TMPRSS15: variants seen among roughly 807,000 people sequenced by gnomAD.
TMPRSS15 encodes transmembrane serine protease 15.
TMPRSS15 carries 128 observed loss-of-function variants against 125.3 expected under a neutral mutation model. That is an observed-to-expected ratio of 1.02 (90% CI 0.89 to 1.18). The LOEUF is 1.18. Ranked by LOEUF, TMPRSS15 falls within the 50% of genes most tolerant of loss-of-function variation. The probability of loss-of-function intolerance (pLI) is 0.00; values close to 1 mark genes in which losing one functional copy is unlikely to be tolerated. For synonymous variants in TMPRSS15, 446 were observed against 423.2 expected (o/e 1.05, Z -0.66); for missense variants, 1,283 against 1,212.7 (o/e 1.06, Z -0.86).
chr21:18,309,446 A>G (rs1335793123), intron 18 of TMPRSS15, among the ~76,000 whole-genome samples: 1 of 152,228 alleles, frequency 6.6e-6, no homozygotes, highest in East Asian at 1.9e-4. Context: ...ACAGCAAAAG[A>G]AACTATCATT....
chr21:18,279,198 A>G (rs1050331619), intron 22 of TMPRSS15, 139 bp from the exon 23 acceptor site: 2 of 606,286 alleles, frequency 3.3e-6, no homozygotes, highest in Non-Finnish European at 3.0e-6. Context: ...CTACCTGTAA[A>G]AATTTTAGAC....
intron 3 of TMPRSS15, among the ~76,000 whole-genome samples, chr21:18,385,758 T>A (rs964227816): frequency 6.6e-6 from 1 of 152,108 alleles, no homozygotes; most frequent in Non-Finnish European, 1.5e-5. Context: ...ACACTTTTTT[T>A]TTTTGAGATG....
At chr21:18,332,309 G>A in intron 13 of TMPRSS15, 136 bp from the exon 14 acceptor site, 1 of 750,670 alleles carries the variant, frequency 1.3e-6, no homozygotes, top group Admixed American at 2.0e-5. Flanking sequence ...TCATGTTAGG[G>A]TAAATGCTGC....
chr21:18,409,628 T>C (rs1397489392), intron 1 of TMPRSS15, among the ~76,000 whole-genome samples: 1 of 152,136 alleles, frequency 6.6e-6, no homozygotes, highest in Non-Finnish European at 1.5e-5. Flanking sequence ...TGTTGCTTTG[T>C]TGTAATTGAT....
intron 1 of TMPRSS15, among the ~76,000 whole-genome samples, chr21:18,452,186 A>G (rs1224957579): frequency 6.6e-6 from 1 of 152,168 alleles, no homozygotes; most frequent in Non-Finnish European, 1.5e-5. Flanking sequence ...TGGATATGTT[A>G]GTAACATATT....
At chr21:18,413,312 T>TTTCTTTCCTTCCTTCCTTCA (rs1555911458) in intron 1 of TMPRSS15, among the ~76,000 whole-genome samples, 1 of 94,798 alleles carries the variant, frequency 1.1e-5, no homozygotes, top group Non-Finnish European at 2.1e-5. Context: ...TTTTCTTTCT[T>TTTCTTTCCTTCCTTCCTTCA]TTCCTTCCTT....
intron 24 of TMPRSS15, among the ~76,000 whole-genome samples, chr21:18,272,157 G>A (rs1391942020): frequency 6.6e-6 from 1 of 152,132 alleles, no homozygotes; most frequent in Non-Finnish European, 1.5e-5. Flanking sequence ...TTCCACAATG[G>A]TTGAACTAAT....
At chr21:18,415,235 T>A (rs947543002) in intron 1 of TMPRSS15, among the ~76,000 whole-genome samples, 1 of 152,116 alleles carries the variant, frequency 6.6e-6, no homozygotes, top group Non-Finnish European at 1.5e-5. Context: ...ATTTGTGAGT[T>A]CCTTATATAG....
chr21:18,278,814 A>G, intron 23 of TMPRSS15, 150 bp downstream of exon 23: 1 of 576,066 alleles, frequency 1.7e-6, no homozygotes, highest in East Asian at 3.0e-5. Context: ...ATATATATGT[A>G]CATGCTTGAC....
chr21:18,460,539 T>C (rs1978532477), intron 1 of TMPRSS15: 1 of 152,166 alleles, frequency 6.6e-6, no homozygotes, highest in South Asian at 2.1e-4. Context: ...TTTGTGTCTG[T>C]AGAAAGAGAT....
chr21:18,334,981 G>A (rs6517810), intron 13 of TMPRSS15, among the ~76,000 whole-genome samples: 4,118 of 152,270 alleles, frequency 0.027, 166 homozygotes, highest in African/African-American at 0.093. Context: ...AGGAAGGCAT[G>A]TGAACCAAAG....
intron 15 of TMPRSS15, among the ~76,000 whole-genome samples, chr21:18,327,834 C>T (rs2075307971): frequency 6.6e-6 from 1 of 151,994 alleles, no homozygotes; most frequent in African/African-American, 2.4e-5. Flanking sequence ...TATCAAGAGA[C>T]ACCTTTTTCT....
rs182239865 is a variant in TMPRSS15, at chr21:18,425,550, T to C, written c.11-27221A>G. ...AAATAATGGTTCTTTCACTTTCTTA[T>C]GAGTTGTGTCCATTTCTGTGATGGT... On this transcript the variant is annotated intron_variant, in intron 1 of 7. Coordinates refer to the TMPRSS15 transcript ENST00000422787. 9.5e-3 allele frequency among the ~76,000 whole-genome samples: 1,450 copies of C among 152,290 alleles called. 9 individuals carry two copies. The highest frequency in any genetic ancestry group is 0.013 in the Non-Finnish European group (910 of 67,964).
Position 18,383,532 on chromosome 21 carries a change from G to C in TMPRSS15, c.496+95C>G, listed in dbSNP as rs35909926. The C allele has an allele frequency of 9.3e-3, 13,281 of 1,427,800 alleles. 89 individuals carry two copies. Among genetic ancestry groups the C allele is most frequent in the Non-Finnish European group, 0.012 (12,079 of 1,035,600 alleles). The allele number at this position is 1,427,800 out of a possible 1,614,324, so 88.4% of individuals were successfully genotyped here. On this transcript the variant is annotated intron_variant, in intron 4 of 24. Coordinates refer to ENST00000284885, the MANE Select transcript of TMPRSS15 (RefSeq NM_002772.3). ...CTCAGGCAATAAGACATGTTCCTAA[G>C]GTCAAGCATGATTCCACTTCCTCCC...
rs538053197 is a variant in TMPRSS15 at position 18,372,869 on chromosome 21, C to G, written c.533-545G>C. Among the ~76,000 whole-genome samples, 5 of 152,336 alleles carry G rather than the reference C, an allele frequency of 3.3e-5. No homozygotes were observed. In the East Asian group the frequency reaches 9.6e-4, roughly 29 times the overall value. On this transcript the variant is annotated intron_variant, in intron 5 of 24. Transcript: ENST00000284885. ...CCTGACTTGTCCTTCACTTGCCCCA[C>G]TTTCATAAACTTAAGTCTAGAGATG...
At chr21:18,477,319 G>C (rs1377612311) in intron 1 of TMPRSS15, 1 of 152,102 alleles carries the variant, frequency 6.6e-6, no homozygotes, top group Non-Finnish European at 1.5e-5. Context: ...TTGGAGTAAG[G>C]TCTCTAATCA....
intron 21 of TMPRSS15, among the ~76,000 whole-genome samples, chr21:18,286,864 C>G (rs2074770724): frequency 1.3e-5 from 2 of 152,186 alleles, no homozygotes; most frequent in Non-Finnish European, 2.9e-5. Context: ...GCAACAGCAG[C>G]AGGGCTTTTT....
chr21:18,366,754 C>T (rs553141540), intron 6 of TMPRSS15, among the ~76,000 whole-genome samples: 4 of 151,972 alleles, frequency 2.6e-5, no homozygotes, highest in Admixed American at 1.3e-4. Flanking sequence ...ATTCTTCATA[C>T]GGAGAAACAT....
At chr21:18,398,028 T>C (rs959081057) in intron 2 of TMPRSS15, 82 bp from the exon 3 acceptor site, 8 of 1,238,890 alleles carry the variant, frequency 6.5e-6, no homozygotes, top group Admixed American at 2.1e-5. Flanking sequence ...AAGCAATCTT[T>C]ATGTTCTGCT....
Sources: allele counts gnomAD v4.1 joint callset (sites outside exome capture counted in the v4.1 genomes callset), GRCh38; gene constraint gnomAD v4.1.1; transcripts MANE v1.5; gene names NCBI Gene and HGNC (gene_info 2026-07-23, HGNC 2026-07-21).